The following ACSL4 variants were observed in gnomAD, a reference collection of about 807,000 sequenced individuals.
ACSL4 encodes the protein acyl-CoA synthetase long chain family member 4.
Under a neutral mutation model 49.1 loss-of-function variants are expected in ACSL4, and 9 were observed. The observed-to-expected ratio is 0.18, with a 90% CI of 0.11 to 0.32. The LOEUF (loss-of-function observed/expected upper bound fraction) is 0.32. ACSL4 is among the 10% of genes least tolerant of loss of function. The pLI is 1.00. For synonymous variants in ACSL4, 191 were observed against 170.3 expected (o/e 1.12, Z -0.95); for missense variants, 333 against 493.7 (o/e 0.67, Z 3.08).
intron 1 of ACSL4, among the ~76,000 whole-genome samples, chrX:109,702,021 C>T (rs1278712890): frequency 5.7e-5 from 6 of 105,089 alleles, no homozygotes; most frequent in African/African-American, 2.1e-4. Flanking sequence ...ACCAGCCTGG[C>T]CAACATGGTG....
intron 1 of ACSL4, among the ~76,000 whole-genome samples, chrX:109,709,220 T>A (rs1333010273): frequency 1.8e-5 from 2 of 112,236 alleles, no homozygotes; most frequent in African/African-American, 6.5e-5. Flanking sequence ...ATTCCTTTGA[T>A]GTCTGTGATT....
chrX:109,681,195 C>T, intron 5 of ACSL4, 59 bp from the exon 6 acceptor site: 1 of 1,201,771 alleles, frequency 8.3e-7, no homozygotes. Flanking sequence ...CAAAAATTCA[C>T]TTACTGAATG....
At chrX:109,705,284 G>T (rs1004428159) in intron 1 of ACSL4, among the ~76,000 whole-genome samples, 14 of 112,024 alleles carry the variant, frequency 1.2e-4, no homozygotes, top group African/African-American at 3.6e-4. Context: ...CTCTCTTTAG[G>T]AAGTCTCTGC....
chrX:109,666,144 G>T (rs1178196925), intron 11 of ACSL4, among the ~76,000 whole-genome samples: 3 of 112,491 alleles, frequency 2.7e-5, no homozygotes, highest in African/African-American at 9.7e-5. Flanking sequence ...AATGAACTGG[G>T]AAGAAATGCA....
chrX:109,677,045 C>T (rs765647225), intron 8 of ACSL4, among the ~76,000 whole-genome samples: 1 of 110,068 alleles, frequency 9.1e-6, no homozygotes, highest in East Asian at 2.9e-4. Context: ...CTGCAAGCTC[C>T]ACCTCCCAGG....
At chrX:109,692,914 C>T (rs1394905103) in intron 2 of ACSL4, among the ~76,000 whole-genome samples, 1 of 112,120 alleles carries the variant, frequency 8.9e-6, no homozygotes, top group Non-Finnish European at 1.9e-5. Context: ...CATCTATCTC[C>T]TGTCATCTTA....
At chrX:109,726,209 C>T (rs1313892662) in intron 1 of ACSL4, among the ~76,000 whole-genome samples, 1 of 112,105 alleles carries the variant, frequency 8.9e-6, no homozygotes, top group African/African-American at 3.2e-5. Context: ...CACCTGAGGT[C>T]AGGAGTTCAA....
intron 15 of ACSL4, among the ~76,000 whole-genome samples, chrX:109,650,274 AC>A (rs1421683913): frequency 2.7e-5 from 3 of 110,610 alleles, no homozygotes; most frequent in Middle Eastern, 4.6e-3. Context: ...CTTGGAACCA[AC>A]CCAAATGTCC....
intron 15 of ACSL4, among the ~76,000 whole-genome samples, chrX:109,650,058 G>A (rs1372779726): frequency 9.9e-5 from 11 of 111,438 alleles, no homozygotes; most frequent in Admixed American, 1.9e-4. Flanking sequence ...GAGAAATAGG[G>A]ACACTTTTAC....
intron 1 of ACSL4, among the ~76,000 whole-genome samples, chrX:109,704,909 C>A (rs1569437936): frequency 9.1e-6 from 1 of 109,672 alleles, no homozygotes. Flanking sequence ...TAGGGTATAT[C>A]TTATTTTAAG....
intron 1 of ACSL4, among the ~76,000 whole-genome samples, chrX:109,704,374 G>A (rs1926190925): frequency 1.8e-5 from 2 of 110,508 alleles, no homozygotes; most frequent in South Asian, 7.6e-4. Flanking sequence ...ACAGAGTCTA[G>A]TTTGAATGCC....
intron 1 of ACSL4, among the ~76,000 whole-genome samples, chrX:109,731,577 C>CA (rs770441833): frequency 0.12 from 8,312 of 68,580 alleles, 335 homozygotes; most frequent in Non-Finnish European, 0.16. Context: ...GGGGGTTTTC[C>CA]AAAAAAAAAA....
chrX:109,656,999 C>T (rs989238907), intron 15 of ACSL4, among the ~76,000 whole-genome samples: 5 of 111,215 alleles, frequency 4.5e-5, no homozygotes, highest in Non-Finnish European at 9.4e-5. Flanking sequence ...ACACACATCT[C>T]TTTCTTCATC....
At chrX:109,667,764 C>T (rs1021074847) in intron 11 of ACSL4, among the ~76,000 whole-genome samples, 2 of 110,917 alleles carry the variant, frequency 1.8e-5, no homozygotes, top group South Asian at 3.8e-4. Context: ...TGGTGGCACA[C>T]GCCTGTAATC....
At chrX:109,656,145 A>T (rs1342651461) in intron 15 of ACSL4, among the ~76,000 whole-genome samples, 1 of 111,216 alleles carries the variant, frequency 9.0e-6, no homozygotes, top group Non-Finnish European at 1.9e-5. Flanking sequence ...AATAGTCTAA[A>T]TTTCAGCATG....
chrX:109,650,396 A>G (rs1489060144), intron 15 of ACSL4, among the ~76,000 whole-genome samples: 1 of 107,096 alleles, frequency 9.3e-6, no homozygotes, highest in Non-Finnish European at 1.9e-5. Flanking sequence ...ATGAAATTGG[A>G]AATCATCATT....
intron 12 of ACSL4, 98 bp downstream of exon 12, chrX:109,665,321 AT>A: frequency 2.6e-6 from 2 of 775,091 alleles, no homozygotes; most frequent in Non-Finnish European, 4.0e-6. Context: ...ACAGCAGAGA[AT>A]TATTTGCTTC....
In ACSL4 at chrX:109,656,953, C is replaced by T. The variant is rs151034879; in HGVS notation, c.1855+2401G>A. On this transcript the variant is annotated intron_variant, in intron 15 of 15. Coordinates refer to ENST00000672401, the MANE Select transcript of ACSL4 (RefSeq NM_001318510.2). ...CTCTCTTAGCAGTGGTCTGCATGGG[C>T]ATTGCTCTCCTGGCATCTTGCCAAT... Among the ~76,000 whole-genome samples, 87 of 111,716 alleles carry T rather than the reference C, an allele frequency of 7.8e-4. 1 individual carries two copies. Among genetic ancestry groups the T allele is most frequent in the African/African-American group, 2.8e-3 (85 of 30,669 alleles).
intron 1 of ACSL4, among the ~76,000 whole-genome samples, chrX:109,713,688 G>A (rs1011955024): frequency 4.5e-5 from 5 of 111,614 alleles, no homozygotes; most frequent in African/African-American, 6.5e-5. Context: ...TTTGTTAGGG[G>A]GGAAAAGATT....
Sources: gnomAD v4.1 joint callset for allele counts (sites outside exome capture counted in the v4.1 genomes callset) on GRCh38, gnomAD v4.1.1 for gene constraint, MANE v1.5 for transcripts, NCBI Gene and HGNC (gene_info 2026-07-23, HGNC 2026-07-21) for gene names.